Variants in SIK2 observed in about 807,000 individuals in gnomAD.
The protein encoded by SIK2 is salt inducible kinase 2, also known as serine/threonine-protein kinase SIK2.
In SIK2, 29 loss-of-function variants were observed where a neutral mutation model predicts 103.2. That is an observed-to-expected ratio of 0.28 (90% CI 0.21 to 0.38). The LOEUF is 0.38. Among genes scored for constraint, SIK2 ranks in the 10% least tolerant of loss-of-function variants. The pLI is 1.00. For missense variants in SIK2, 879 were observed against 1,171.0 expected (o/e 0.75, Z 3.64); for synonymous variants, 412 against 446.1 (o/e 0.92, Z 0.96).
At chr11:111,712,503 G>A (rs1025869123) in intron 9 of SIK2, 128 bp downstream of exon 9, 2 of 994,164 alleles carry the variant, frequency 2.0e-6, no homozygotes, top group African/African-American at 3.3e-5. Flanking sequence ...TGATGCTTTT[G>A]TGGAGAAAAA....
In SIK2 at chr11:111,725,067, G is replaced by T. The variant is rs1204392617; in HGVS notation, c.*938G>T. On this transcript the variant is annotated 3_prime_UTR_variant, in exon 15 of 15. Transcript: ENST00000304987. ...GACCTTACACTATATGTTGCTAGTA[G>T]TTTATTGAGCTTTGTATATTTGGAC... is the stretch of plus-strand genomic sequence containing the variant. 1 of 152,656 alleles carries T rather than the reference G, an allele frequency of 6.6e-6. No individual in the cohort carries two copies. The highest frequency in any genetic ancestry group is 2.4e-5 in the African/African-American group (1 of 41,454). 9.5% of individuals were successfully genotyped at this position (152,656 alleles called of 1,614,324 possible).
At chr11:111,604,646 A>G (rs1022391168) in intron 1 of SIK2, among the ~76,000 whole-genome samples, 1 of 152,170 alleles carries the variant, frequency 6.6e-6, no homozygotes, top group Non-Finnish European at 1.5e-5. Flanking sequence ...TTCATTTGTA[A>G]TTGGAACAAG....
intron 8 of SIK2, among the ~76,000 whole-genome samples, chr11:111,709,099 T>C (rs1276237666): frequency 6.6e-6 from 1 of 152,224 alleles, no homozygotes; most frequent in Non-Finnish European, 1.5e-5. Context: ...GGAAATTATT[T>C]TCTCACAGTT....
At chr11:111,681,158 G>A (rs1464050207) in intron 3 of SIK2, among the ~76,000 whole-genome samples, 1 of 152,150 alleles carries the variant, frequency 6.6e-6, no homozygotes, top group African/African-American at 2.4e-5. Flanking sequence ...AAATTCTAAG[G>A]AATGAATGAA....
chr11:111,630,427 T>C (rs886806377), intron 3 of SIK2, among the ~76,000 whole-genome samples: 1 of 152,120 alleles, frequency 6.6e-6, no homozygotes, highest in Non-Finnish European at 1.5e-5. Context: ...AATTACCTCA[T>C]ATAGTTAACC....
intron 3 of SIK2, among the ~76,000 whole-genome samples, chr11:111,640,572 A>G (rs897785910): frequency 3.9e-5 from 6 of 152,216 alleles, no homozygotes; most frequent in Admixed American, 2.0e-4. Flanking sequence ...TTCATTCAAG[A>G]AATAATGACT....
intron 3 of SIK2, among the ~76,000 whole-genome samples, chr11:111,626,612 C>A (rs373197438): frequency 7.3e-4 from 111 of 151,612 alleles, no homozygotes; most frequent in Non-Finnish European, 1.3e-3. Context: ...CCTAACTGAT[C>A]TATTTTTCAT....
At chr11:111,617,829 T>G (rs1322940184) in intron 2 of SIK2, among the ~76,000 whole-genome samples, 1 of 151,632 alleles carries the variant, frequency 6.6e-6, no homozygotes, top group Non-Finnish European at 1.5e-5. Context: ...GTGCCATGTG[T>G]GTTTGTGTAT....
At chr11:111,672,251 C>T (rs1406005725) in intron 3 of SIK2, 1 of 357,470 alleles carries the variant, frequency 2.8e-6, no homozygotes, top group African/African-American at 2.2e-5. Flanking sequence ...TATGCTGGCA[C>T]TTAGGCCACC....
chr11:111,687,912 A>C, intron 3 of SIK2, 89 bp from the exon 4 acceptor site: 1 of 1,483,984 alleles, frequency 6.7e-7, no homozygotes, highest in Non-Finnish European at 9.2e-7. Context: ...GCCAGAAAAA[A>C]AACTTTTTGA....
At chr11:111,662,770 TG>T (rs1050290399) in intron 3 of SIK2, among the ~76,000 whole-genome samples, 2 of 151,158 alleles carry the variant, frequency 1.3e-5, no homozygotes, top group East Asian at 2.0e-4. Context: ...CCCAGTTACT[TG>T]GGGGGCTGAG....
intron 3 of SIK2, among the ~76,000 whole-genome samples, chr11:111,635,362 A>T (rs901644084): frequency 2.0e-5 from 3 of 150,254 alleles, no homozygotes; most frequent in Non-Finnish European, 4.4e-5. Context: ...AAAGAGAAAG[A>T]GAAAAGAGAA....
At position 111,729,128 on chromosome 11, in the gene SIK2, A is replaced by G. The variant is rs960776024; in HGVS notation, c.*4999A>G. On this transcript the variant is annotated 3_prime_UTR_variant, in exon 15 of 15. Coordinates refer to ENST00000304987, the MANE Select transcript of SIK2 (RefSeq NM_015191.3). ...CTCTCACCTTCCAGTAGCCTCTCAC[A>G]TTCTTATTTTACCATTTTTGTCCTA... 5.9e-5 allele frequency: 9 copies of G among 152,208 alleles called. No homozygotes were observed. The highest frequency in any genetic ancestry group is 2.2e-4 in the African/African-American group (9 of 41,428). 9.4% of individuals were successfully genotyped at this position (152,208 alleles called of 1,614,324 possible). A position where few individuals can be genotyped will look rare whatever the true frequency, so the allele number is the denominator to read the frequency against.
intron 3 of SIK2, among the ~76,000 whole-genome samples, chr11:111,623,196 A>G (rs907415166): frequency 1.3e-5 from 2 of 152,156 alleles, no homozygotes; most frequent in Admixed American, 6.5e-5. Flanking sequence ...TGTATTTGTC[A>G]TCTCAGACAT....
chr11:111,725,599 C>G lies in SIK2; in HGVS notation c.*1470C>G, dbSNP rs1258844536. On this transcript the variant is annotated 3_prime_UTR_variant, in exon 15 of 15. Coordinates refer to ENST00000304987, the MANE Select transcript of SIK2 (RefSeq NM_015191.3). ...TGCCCTTTAGAATGGCTTGTCCCAT[C>G]AGCAGATGAATGTGTTAAGCACAAA... 6.5e-6 allele frequency: 1 copy of G among 152,674 alleles called. No homozygotes were observed. The highest frequency in any genetic ancestry group is 1.5e-5 in the Non-Finnish European group (1 of 68,048). 9.5% of individuals were successfully genotyped at this position (152,674 alleles called of 1,614,324 possible).
intron 3 of SIK2, among the ~76,000 whole-genome samples, chr11:111,649,065 A>G (rs1030971886): frequency 1.3e-5 from 2 of 152,222 alleles, no homozygotes; most frequent in Non-Finnish European, 2.9e-5. Flanking sequence ...CAGGCTACAC[A>G]TATTTTATAA....
intron 1 of SIK2, among the ~76,000 whole-genome samples, chr11:111,606,353 T>C (rs538336727): frequency 6.6e-6 from 1 of 152,182 alleles, no homozygotes; most frequent in African/African-American, 2.4e-5. Context: ...AGTATACATA[T>C]AATTCCTCCA....
intron 4 of SIK2, among the ~76,000 whole-genome samples, chr11:111,689,798 C>T (rs1283293964): frequency 1.3e-5 from 2 of 152,016 alleles, no homozygotes; most frequent in African/African-American, 4.8e-5. Context: ...TAGTTTTTGT[C>T]TTAGGCAATT....
chr11:111,710,389 GCTA>G (rs1460998714), intron 8 of SIK2, among the ~76,000 whole-genome samples: 4 of 152,068 alleles, frequency 2.6e-5, no homozygotes, highest in African/African-American at 9.7e-5. Flanking sequence ...CTTTGCTAAT[GCTA>G]CTTTATCTTA....
Sources: allele counts gnomAD v4.1 joint callset (sites outside exome capture counted in the v4.1 genomes callset), GRCh38; gene constraint gnomAD v4.1.1; transcripts MANE v1.5; gene names NCBI Gene and HGNC (gene_info 2026-07-23, HGNC 2026-07-21).